The following GSE1 variants were observed in gnomAD, a reference collection of about 807,000 sequenced individuals.
GSE1 encodes the protein Gse1 coiled-coil protein, also known as genetic suppressor element 1.
A neutral mutation model predicts 112.6 loss-of-function variants in GSE1; 32 were observed. The observed-to-expected ratio is 0.28, with a 90% CI of 0.21 to 0.38. The LOEUF is 0.38. Ranked by LOEUF, GSE1 falls within the 10% of genes least tolerant of loss-of-function variation. The pLI, the probability that GSE1 is intolerant of heterozygous loss-of-function variation, is 1.00. For missense variants in GSE1, 2,348 were observed against 1,699.2 expected (o/e 1.38, Z -6.71); for synonymous variants, 1,115 against 735.6 (o/e 1.52, Z -8.35).
chr16:85,611,086 C>T (rs990773022), upstream of GSE1, among the ~76,000 whole-genome samples: 2 of 152,218 alleles, frequency 1.3e-5, no homozygotes, highest in African/African-American at 2.4e-5. Context: ...GGTGAGAGAC[C>T]TGGAGGTGGG....
chr16:85,630,091 G>A (rs967757276), intron 1 of GSE1, among the ~76,000 whole-genome samples: 1 of 152,204 alleles, frequency 6.6e-6, no homozygotes, highest in East Asian at 1.9e-4. Flanking sequence ...TCACATGGCT[G>A]TTGGCTGGAG....
At chr16:85,354,608 G>A (rs2151566387) in intron 1 of GSE1, among the ~76,000 whole-genome samples, 1 of 152,312 alleles carries the variant, frequency 6.6e-6, no homozygotes, top group South Asian at 2.1e-4. Context: ...CTCCAGGAGG[G>A]ACCAGGAGGT....
chr16:85,353,580 T>C (rs914179466), intron 1 of GSE1, among the ~76,000 whole-genome samples: 2 of 152,140 alleles, frequency 1.3e-5, no homozygotes, highest in African/African-American at 2.4e-5. Context: ...CCACCTGTAG[T>C]CCCAACTACC....
intron 2 of GSE1, among the ~76,000 whole-genome samples, chr16:85,536,198 G>A (rs1442296271): frequency 1.3e-5 from 2 of 152,228 alleles, no homozygotes; most frequent in African/African-American, 4.8e-5. Context: ...TGTGGTTGAA[G>A]GCCAGGAAGT....
intron 1 of GSE1, among the ~76,000 whole-genome samples, chr16:85,353,028 A>T (rs2046881558): frequency 6.6e-6 from 1 of 152,202 alleles, no homozygotes; most frequent in Non-Finnish European, 1.5e-5. Flanking sequence ...ACAAAGTATG[A>T]CATGTTTAGC....
At chr16:85,481,130 C>A (rs184078139) in intron 2 of GSE1, among the ~76,000 whole-genome samples, 6 of 152,326 alleles carry the variant, frequency 3.9e-5, no homozygotes, top group Non-Finnish European at 8.8e-5. Flanking sequence ...TCGCTTCTCT[C>A]CCCACCCGGT....
intron 1 of GSE1, among the ~76,000 whole-genome samples, chr16:85,586,406 C>T (rs1003195057): frequency 1.3e-5 from 2 of 152,228 alleles, no homozygotes; most frequent in South Asian, 4.1e-4. Context: ...GAGGGACAGC[C>T]CCTCTCCTCC....
chr16:85,255,318 C>T (rs914325797), intron 1 of GSE1, among the ~76,000 whole-genome samples: 11 of 152,296 alleles, frequency 7.2e-5, no homozygotes, highest in East Asian at 3.9e-4. Flanking sequence ...CAGCCTGACC[C>T]GCTGCCTTCT....
intron 1 of GSE1, among the ~76,000 whole-genome samples, chr16:85,630,323 A>G (rs2049435830): frequency 6.6e-6 from 1 of 152,238 alleles, no homozygotes; most frequent in African/African-American, 2.4e-5. Flanking sequence ...ACCTCTTGAA[A>G]GGATGACTGA....
At chr16:85,236,570 G>C (rs1467392842) in intron 1 of GSE1, among the ~76,000 whole-genome samples, 1 of 152,178 alleles carries the variant, frequency 6.6e-6, no homozygotes, top group Non-Finnish European at 1.5e-5. Context: ...AGAGAGAACA[G>C]TGTGTGCATA....
In GSE1 at chr16:85,656,467, G is replaced by C. The variant is rs2051958693; in HGVS notation, c.1114G>C (p.Glu372Gln). The change falls in exon 7 of 16, where the codon GAG becomes CAG. Residue 372 changes from glutamate (E) to glutamine (Q), a missense_variant. Glu to Gln is a conservative substitution (Grantham distance 29). Transcript: ENST00000253458. ...CGAACGCGAGAAGGAGCGCGAGCAAGAGAAGGAGCGTGAGCGTGAGAAGGA... is the reference window on the plus strand; with the variant it reads ...CGAACGCGAGAAGGAGCGCGAGCAACAGAAGGAGCGTGAGCGTGAGAAGGA... ...EREREKEREQ[E>Q]KEREREKERE... 4 of 1,547,246 alleles carry C rather than the reference G, an allele frequency of 2.6e-6. No homozygotes were observed. The highest frequency in any genetic ancestry group is 3.5e-6 in the Non-Finnish European group (4 of 1,143,212).
intron 2 of GSE1, among the ~76,000 whole-genome samples, chr16:85,358,467 AC>A (rs1490481402): frequency 6.6e-6 from 1 of 151,644 alleles, no homozygotes; most frequent in Non-Finnish European, 1.5e-5. Context: ...GAGACTTGAG[AC>A]CCCCAGCCCA....
chr16:85,251,301 A>G (rs1303746139), intron 1 of GSE1, among the ~76,000 whole-genome samples: 8 of 152,124 alleles, frequency 5.3e-5, no homozygotes, highest in Non-Finnish European at 8.8e-5. Context: ...GCCTGTCCCT[A>G]TGGGGAAGGA....
rs953607067 is a variant in GSE1, at chr16:85,523,962, C to T, written c.2465-109952C>T. 3.3e-5 allele frequency among the ~76,000 whole-genome samples: 5 copies of T among 152,156 alleles called. No homozygotes were observed. The East Asian group carries it at 5.8e-4, about 18-fold the overall frequency. ...CCTCGGTTTCTGGCCCACTGAGGAA[C>T]GCCTTGGGGAGGGGAGGGCTTTTGG... On this transcript the variant is annotated intron_variant, in intron 2 of 2. Transcript: ENST00000637419.
At chr16:85,669,362 G>C (rs1325736094) in intron 14 of GSE1, among the ~76,000 whole-genome samples, 1 of 152,216 alleles carries the variant, frequency 6.6e-6, no homozygotes, top group African/African-American at 2.4e-5. Context: ...ACTTGATTAT[G>C]AATGTCAGCC....
At position 85,530,353 on chromosome 16, in the gene GSE1, G is replaced by T. The variant is rs188000463; in HGVS notation, c.2465-103561G>T. ...AAGGGCGCGAATGTATCTCCTCCCC[G>T]GTGATGCAATCTTATCAGAGCTGAA... On this transcript the variant is annotated intron_variant, in intron 2 of 2. Coordinates refer to the GSE1 transcript ENST00000637419. Among the ~76,000 whole-genome samples, 3 of 152,208 alleles carry T rather than the reference G, an allele frequency of 2.0e-5. No homozygotes were observed. In the South Asian group the frequency reaches 6.2e-4, roughly 31 times the overall value.
chr16:85,333,643 G>A (rs1194384618), intron 1 of GSE1, among the ~76,000 whole-genome samples: 1 of 152,216 alleles, frequency 6.6e-6, no homozygotes, highest in Non-Finnish European at 1.5e-5. Flanking sequence ...CAGCCTCCTG[G>A]GAACTGGCTG....
At chr16:85,656,265 T>A (rs1424726991) in intron 6 of GSE1, 78 bp from the exon 7 acceptor site, 1 of 1,552,826 alleles carries the variant, frequency 6.4e-7, no homozygotes, top group Non-Finnish European at 8.7e-7. Flanking sequence ...TTCCTGGTTA[T>A]GCTTTTTAAG....
At chr16:85,445,245 G>A (rs1014346937) in intron 2 of GSE1, among the ~76,000 whole-genome samples, 13 of 152,214 alleles carry the variant, frequency 8.5e-5, no homozygotes, top group African/African-American at 1.4e-4. Flanking sequence ...TGCCACGTGC[G>A]GTAATTAGAG....
Sources: gnomAD v4.1 joint callset for allele counts (sites outside exome capture counted in the v4.1 genomes callset) on GRCh38, gnomAD v4.1.1 for gene constraint, MANE v1.5 for transcripts, NCBI Gene and HGNC (gene_info 2026-07-23, HGNC 2026-07-21) for gene names.